NDUFV3: variants seen among roughly 807,000 people sequenced by gnomAD.
NDUFV3 encodes NADH dehydrogenase [ubiquinone] flavoprotein 3, mitochondrial.
NDUFV3 carries 44 observed loss-of-function variants against 37.5 expected under a neutral mutation model. That is an observed-to-expected ratio of 1.17 (90% CI 0.92 to 1.51). NDUFV3 has a LOEUF of 1.51. Ranked by LOEUF, NDUFV3 falls within the 40% of genes most tolerant of loss-of-function variation. The probability of loss-of-function intolerance (pLI) is 0.00; values close to 1 mark genes in which losing one functional copy is unlikely to be tolerated. For missense variants in NDUFV3, 580 were observed against 580.4 expected, an observed-to-expected ratio of 1.00 and a Z score of 0.01; for synonymous variants, 235 against 239.3, an observed-to-expected ratio of 0.98 and a Z score of 0.17.
At chr21:42,898,793 C>G (rs996496565) in intron 2 of NDUFV3, among the ~76,000 whole-genome samples, 6 of 152,212 alleles carry the variant, frequency 3.9e-5, no homozygotes, top group African/African-American at 1.4e-4. Context: ...TTTTGACATT[C>G]TCTAAATGTT....
At position 42,893,338 on chromosome 21, in the gene NDUFV3, C is replaced by G. The variant is rs752477972; in HGVS notation, c.5C>G (p.Ala2Gly). The change falls in exon 1 of 4, where the codon GCT becomes GGT. Residue 2 changes from alanine to glycine, a missense_variant. Transcript: ENST00000354250. M[A>G]APCLLRQGRA... The stretch of plus-strand genomic sequence containing the variant: ...GGTGCGCCCGCTGTCACCGCCATGG[C>G]TGCCCCGTGTTTGCTGCGGCAAGGA... The G allele has an allele frequency of 6.5e-6, 10 of 1,538,384 alleles. No individual in the cohort carries two copies. The East Asian group carries it at 1.7e-4, about 26-fold the overall frequency.
intron 2 of NDUFV3, among the ~76,000 whole-genome samples, chr21:42,900,373 G>A (rs960935855): frequency 3.3e-5 from 5 of 151,302 alleles, no homozygotes; most frequent in Admixed American, 6.6e-5. Context: ...CATGGTGGCG[G>A]ACGCCTGTAA....
At chr21:42,897,477 G>A (rs2058697635) in intron 2 of NDUFV3, among the ~76,000 whole-genome samples, 1 of 152,066 alleles carries the variant, frequency 6.6e-6, no homozygotes, top group East Asian at 1.9e-4. Context: ...GGTTTTCCAG[G>A]CTTTGCTTAA....
At position 42,903,562 on chromosome 21, in the gene NDUFV3, G is replaced by A. The variant is rs1190141641; in HGVS notation, c.550G>A (p.Gly184Arg). 4 of 1,613,878 alleles carry A rather than the reference G, an allele frequency of 2.5e-6. No individual in the cohort carries two copies. Among genetic ancestry groups the A allele is most frequent in the African/African-American group, 2.7e-5 (2 of 74,932 alleles). The part of the protein sequence containing the change: ...TPRVVSKGRG[G>R]LRKPEASHSF... ...TCGAGTGGTGAGCAAAGGCAGAGGG[G>A]GGCTTCGAAAACCAGAGGCCTCTCA... Residue 184 changes from glycine to arginine, a missense_variant, in exon 3 of 4, where the codon GGG becomes AGG. By Grantham distance (125) the Gly-to-Arg change is moderately radical. Coordinates refer to ENST00000354250, the MANE Select transcript of NDUFV3 (RefSeq NM_021075.4).
chr21:42,904,142 C>T lies in NDUFV3; in HGVS notation c.1130C>T (p.Pro377Leu). Residue 377 changes from proline (P) to leucine (L), a missense_variant, in exon 3 of 4, where the codon CCA becomes CTA. Transcript: ENST00000354250. ...GQAIVEDQIPPSNLETVPVEN... is the reference protein window; with the variant it reads ...GQAIVEDQIPLSNLETVPVEN... ...GCAATCGTGGAAGATCAGATACCACCAAGCAATTTGGAGACAGTTCCTGTT... is the reference window on the plus strand; with the variant it reads ...GCAATCGTGGAAGATCAGATACCACTAAGCAATTTGGAGACAGTTCCTGTT... 6.2e-7 allele frequency: 1 copy of T among 1,614,226 alleles called. No homozygotes were observed. Among genetic ancestry groups the T allele is most frequent in the Middle Eastern group, 1.6e-4 (1 of 6,062 alleles).
chr21:42,906,201 G>A (rs191369864), intron 3 of NDUFV3, among the ~76,000 whole-genome samples: 1 of 152,270 alleles, frequency 6.6e-6, no homozygotes, highest in Non-Finnish European at 1.5e-5. Context: ...TTGATAAGAT[G>A]CAATGCGCTT....
At chr21:42,906,531 T>A (rs2058742615) in intron 3 of NDUFV3, among the ~76,000 whole-genome samples, 1 of 152,172 alleles carries the variant, frequency 6.6e-6, no homozygotes, top group Non-Finnish European at 1.5e-5. Flanking sequence ...CTCCTCCTGC[T>A]CGAAAATGGA....
intron 2 of NDUFV3, 107 bp downstream of exon 2, chr21:42,897,154 T>G (rs1485295828): frequency 1.5e-6 from 2 of 1,299,108 alleles, no homozygotes; most frequent in Non-Finnish European, 2.2e-6. Flanking sequence ...AATTTATGCT[T>G]CTTCCTTTTC....
At chr21:42,896,703 T>C (rs2058692989) in intron 1 of NDUFV3, among the ~76,000 whole-genome samples, 1 of 152,050 alleles carries the variant, frequency 6.6e-6, no homozygotes, top group South Asian at 2.1e-4. Flanking sequence ...ATAAAAAATA[T>C]TAGCCAGGCA....
At position 42,911,607 on chromosome 21, in the gene NDUFV3, A is replaced by G; in HGVS notation, c.*2586A>G. 6.6e-6 allele frequency: 1 copy of G among 151,816 alleles called. No individual in the cohort carries two copies. The highest frequency in any genetic ancestry group is 1.5e-5 in the Non-Finnish European group (1 of 67,982). 9.4% of individuals were successfully genotyped at this position (151,816 alleles called of 1,614,324 possible). A position where few individuals can be genotyped will look rare whatever the true frequency, so the allele number is the denominator to read the frequency against. On this transcript the variant is annotated 3_prime_UTR_variant, in exon 4 of 4. Coordinates refer to ENST00000354250, the MANE Select transcript of NDUFV3 (RefSeq NM_021075.4). Reference sequence around the variant, plus strand: ...TAGGCACTGGCCACCATGTCCGCCTAATTTTTCTATTTTTTGTAGAGACAG... The same window carrying G: ...TAGGCACTGGCCACCATGTCCGCCTGATTTTTCTATTTTTTGTAGAGACAG...
chr21:42,904,248 G>A lies in NDUFV3; in HGVS notation c.1236G>A (p.Ala412=), dbSNP rs374523799. The change falls in exon 3 of 4, where the codon GCG becomes GCA. Residue 412 remains alanine, a synonymous_variant. Transcript: ENST00000354250. The part of the protein sequence containing the change: ...AEGEAMEDAA[A]PGDDRGGTQE... ...GCGAGGCCATGGAAGATGCAGCCGC[G>A]CCAGGGGACGACCGAGGCGGCACAC... 204 of 1,608,354 alleles carry A rather than the reference G, an allele frequency of 1.3e-4. No homozygotes were observed. The highest frequency in any genetic ancestry group is 1.8e-4 in the South Asian group (16 of 90,302).
At chr21:42,904,855 A>G (rs1479891188) in intron 3 of NDUFV3, among the ~76,000 whole-genome samples, 3 of 150,532 alleles carry the variant, frequency 2.0e-5, no homozygotes, top group Admixed American at 6.7e-5. Context: ...TAATGGTGCA[A>G]TCTTGGCTCA....
intron 2 of NDUFV3, among the ~76,000 whole-genome samples, chr21:42,899,128 A>G (rs1467233749): frequency 6.6e-6 from 1 of 152,126 alleles, no homozygotes; most frequent in Non-Finnish European, 1.5e-5. Context: ...CTTTGTGCTT[A>G]AGCAGGATGA....
rs1435638261 is a variant in NDUFV3, at chr21:42,896,921, T to C, written c.49-6T>C. The C allele has an allele frequency of 6.2e-7, 1 of 1,611,390 alleles. No individual in the cohort carries two copies. The highest frequency in any genetic ancestry group is 8.5e-7 in the Non-Finnish European group (1 of 1,177,644). On this transcript the variant is annotated splice_polypyrimidine_tract_variant and splice_region_variant and intron_variant, in intron 1 of 3. Coordinates refer to ENST00000354250, the MANE Select transcript of NDUFV3 (RefSeq NM_021075.4). ...AAACATCCATATTCATTAATTCTTT[T>C]GTCAGACTATGCTCCAGGAAGCCCA...
chr21:42,895,562 G>A (rs2146146741), intron 1 of NDUFV3, among the ~76,000 whole-genome samples: 2 of 151,628 alleles, frequency 1.3e-5, no homozygotes, highest in South Asian at 4.2e-4. Context: ...TGAGGCAAGA[G>A]AATCGCTGGA....
chr21:42,894,113 G>A (rs2058670498), intron 1 of NDUFV3, among the ~76,000 whole-genome samples: 1 of 150,048 alleles, frequency 6.7e-6, no homozygotes, highest in African/African-American at 2.5e-5. Flanking sequence ...TACTCGGGAG[G>A]CTGAGGTGGG....
rs1021689330 is a variant in NDUFV3 at position 42,896,317 on chromosome 21, C to T, written c.49-610C>T. Among the ~76,000 whole-genome samples the T allele has an allele frequency of 8.6e-5, 13 of 151,990 alleles. No homozygotes were observed. The South Asian group carries it at 1.2e-3, about 15-fold the overall frequency. ...GACTACAGGCACCCGCCACCATGCC[C>T]GGCTAATTTTTTGTATTTTTAGTAG... On this transcript the variant is annotated intron_variant, in intron 1 of 3. Coordinates refer to ENST00000354250, the MANE Select transcript of NDUFV3 (RefSeq NM_021075.4).
At chr21:42,907,864 T>G (rs1046616780) in intron 3 of NDUFV3, among the ~76,000 whole-genome samples, 5 of 151,042 alleles carry the variant, frequency 3.3e-5, no homozygotes, top group African/African-American at 1.2e-4. Flanking sequence ...GTGCTGGGAT[T>G]ATGGGCGTAA....
chr21:42,893,363 A>G lies in NDUFV3; in HGVS notation c.30A>G (p.Gly10=). 1 of 1,538,100 alleles carries G rather than the reference A, an allele frequency of 6.5e-7. No individual in the cohort carries two copies. The highest frequency in any genetic ancestry group is 8.7e-7 in the Non-Finnish European group (1 of 1,146,396). Residue 10 remains glycine, a synonymous_variant, in exon 1 of 4, where the codon GGA becomes GGG. Coordinates refer to ENST00000354250, the MANE Select transcript of NDUFV3 (RefSeq NM_021075.4). The part of the protein sequence containing the change: MAAPCLLRQ[G]RAGALKTMLQ... ...CTGCCCCGTGTTTGCTGCGGCAAGG[A>G]CGAGCCGGGGCGCTGAAGGTAAAGG...
Sources: gnomAD v4.1 joint callset for allele counts (sites outside exome capture counted in the v4.1 genomes callset) on GRCh38, gnomAD v4.1.1 for gene constraint, MANE v1.5 for transcripts, NCBI Gene and HGNC (gene_info 2026-07-23, HGNC 2026-07-21) for gene names.